The following ASAH1 variants were observed in gnomAD, a reference collection of about 807,000 sequenced individuals.
The protein encoded by ASAH1 is N-acylsphingosine amidohydrolase 1.
Under a neutral mutation model 59.5 loss-of-function variants are expected in ASAH1, and 70 were observed. That is an observed-to-expected ratio of 1.18 (90% CI 0.97 to 1.43). ASAH1 has a LOEUF of 1.43. Among genes scored for constraint, ASAH1 ranks in the 40% most tolerant of loss-of-function variants. The pLI is 0.00. For synonymous variants in ASAH1, 213 were observed against 166.5 expected (o/e 1.28, Z -2.15); for missense variants, 660 against 482.5 (o/e 1.37, Z -3.45).
At chr8:18,068,043 T>C (rs1413307605) in intron 4 of ASAH1, 5 of 152,192 alleles carry the variant, frequency 3.3e-5, no homozygotes, top group Admixed American at 3.3e-4. Context: ...CCAAGTGGAA[T>C]GTTCCAGCCA....
rs766314172 is a variant in ASAH1 at position 18,062,328 on chromosome 8, T to C, written c.599A>G (p.Lys200Arg). ...CACATAGCCAGCAAAGCTTGAAGCCTTGAAGACAGTTTTGTTGTTTCTTTG... is the reference window on the plus strand; with the variant it reads ...CACATAGCCAGCAAAGCTTGAAGCCCTGAAGACAGTTTTGTTGTTTCTTTG... ...DFQRNNKTVF[K>R]ASSFAGYVGM... is the part of the protein sequence containing the mutation. The change falls in exon 8 of 14, where the codon AAG becomes AGG. Residue 200 changes from lysine to arginine, a missense_variant. Transcript: ENST00000637790. 1 of 1,614,252 alleles carries C rather than the reference T, an allele frequency of 6.2e-7. No homozygotes were observed.
intron 1 of ASAH1, among the ~76,000 whole-genome samples, chr8:18,077,607 T>C (rs1277949498): frequency 6.6e-6 from 1 of 152,242 alleles, no homozygotes; most frequent in African/African-American, 2.4e-5. Context: ...TGCTTTGTTC[T>C]TTAATTGATA....
intron 1 of ASAH1, among the ~76,000 whole-genome samples, chr8:18,077,055 A>T (rs1800431626): frequency 6.6e-6 from 1 of 152,204 alleles, no homozygotes; most frequent in African/African-American, 2.4e-5. Flanking sequence ...GAAAAACTTC[A>T]GTCTCAACTG....
At chr8:18,082,863 A>G (rs1800713696) in intron 1 of ASAH1, among the ~76,000 whole-genome samples, 1 of 151,842 alleles carries the variant, frequency 6.6e-6, no homozygotes, top group Admixed American at 6.6e-5. Context: ...CATAAAACCA[A>G]CTACCGTCAA....
chr8:18,057,413 G>T lies in ASAH1; in HGVS notation c.*121C>A. 1.5e-6 allele frequency: 1 copy of T among 673,006 alleles called. No individual in the cohort carries two copies. Among genetic ancestry groups the T allele is most frequent in the Non-Finnish European group, 2.7e-6 (1 of 376,516 alleles). The allele number at this position is 673,006 out of a possible 1,614,324, so 41.7% of individuals were successfully genotyped here. The stretch of plus-strand genomic sequence containing the variant: ...AACAGATGGACGAAGACAAGCTATT[G>T]ACTCAAAGAGAACCTGCCGCGAGTC... On this transcript the variant is annotated 3_prime_UTR_variant, in exon 14 of 14. Coordinates refer to ENST00000637790, the MANE Select transcript of ASAH1 (RefSeq NM_177924.5).
intron 3 of ASAH1, 34 bp from the exon 4 acceptor site, chr8:18,069,912 T>A (rs752021706): frequency 7.0e-7 from 1 of 1,434,584 alleles, no homozygotes; most frequent in Admixed American, 1.7e-5. Context: ...CTAAAAGACA[T>A]AATGAAATGC....
rs1316716284 is a variant in ASAH1, at chr8:18,069,889, A to C, written c.217-11T>G. The C allele has an allele frequency of 6.5e-7, 1 of 1,539,220 alleles. No individual in the cohort carries two copies. The highest frequency in any genetic ancestry group is 1.1e-5 in the South Asian group (1 of 89,536). On this transcript the variant is annotated splice_polypyrimidine_tract_variant and intron_variant, in intron 3 of 13. Transcript: ENST00000637790. ...CACTATAACCTTTAGCTGAAAAATAAATAAAATGCTTACTAAAAGACATAA... is the reference window on the plus strand; with the variant it reads ...CACTATAACCTTTAGCTGAAAAATACATAAAATGCTTACTAAAAGACATAA...
At chr8:18,058,450 A>C (rs1017316337) in intron 13 of ASAH1, 41 of 193,598 alleles carry the variant, frequency 2.1e-4, no homozygotes, top group African/African-American at 8.0e-4. Flanking sequence ...AGATGTAGTA[A>C]AGTTTAAGGG....
intron 5 of ASAH1, chr8:18,065,365 C>T (rs1469117794): frequency 6.6e-6 from 1 of 152,028 alleles, no homozygotes; most frequent in East Asian, 1.9e-4. Flanking sequence ...AGTATGCTAT[C>T]TTTTAAATGA....
intron 8 of ASAH1, chr8:18,062,020 A>C (rs1391115786): frequency 1.6e-6 from 1 of 618,628 alleles, no homozygotes; most frequent in Non-Finnish European, 2.8e-6. Flanking sequence ...AAGACCCAGG[A>C]CTAGAAATCA....
chr8:18,069,819 T>C lies in ASAH1; in HGVS notation c.276A>G (p.Lys92=). 6.3e-7 allele frequency: 1 copy of C among 1,588,808 alleles called. No individual in the cohort carries two copies. Among genetic ancestry groups the C allele is most frequent in the Non-Finnish European group, 8.6e-7 (1 of 1,158,394 alleles). The change falls in exon 4 of 14, where the codon AAA becomes AAG. Residue 92 remains lysine, a synonymous_variant. Coordinates refer to ENST00000637790, the MANE Select transcript of ASAH1 (RefSeq NM_177924.5). ...ATTTTTCATCCACCACCTGCATAATTTTTCCACTTGGCACGAATGTATTTA... is the reference window on the plus strand; with the variant it reads ...ATTTTTCATCCACCACCTGCATAATCTTTCCACTTGGCACGAATGTATTTA... ...NMINTFVPSG[K]IMQVVDEKLP...
chr8:18,061,704 T>A lies in ASAH1; in HGVS notation c.685A>T (p.Ile229Leu). 6.3e-7 allele frequency: 1 copy of A among 1,585,344 alleles called. No homozygotes were observed. Reference sequence around the variant, plus strand: ...TACTTACCCAGATAACCACCATTTATACTGAAACGTTCATTCAGTGTAAGA... The same window carrying A: ...TACTTACCCAGATAACCACCATTTAAACTGAAACGTTCATTCAGTGTAAGA... Reference protein sequence around the residue: ...FSLTLNERFSINGGYLGILEW... With the variant: ...FSLTLNERFSLNGGYLGILEW... Residue 229 changes from isoleucine (I) to leucine (L), a missense_variant, in exon 9 of 14, where the codon ATA (isoleucine) becomes TTA (leucine). Physicochemically the swap from Ile to Leu is conservative, Grantham distance 5 (BLOSUM62 2). Coordinates refer to ENST00000637790, the MANE Select transcript of ASAH1 (RefSeq NM_177924.5).
chr8:18,071,467 A>G, intron 2 of ASAH1, 77 bp from the exon 3 acceptor site: 1 of 977,054 alleles, frequency 1.0e-6, no homozygotes, highest in Non-Finnish European at 1.6e-6. Flanking sequence ...CTATAAGAAT[A>G]TATGAGAGGC....
At chr8:18,080,821 G>A (rs1589007172) in intron 1 of ASAH1, among the ~76,000 whole-genome samples, 1 of 152,182 alleles carries the variant, frequency 6.6e-6, no homozygotes, top group African/African-American at 2.4e-5. Flanking sequence ...GCCTCCCAAA[G>A]TGCTGGGATT....
At chr8:18,064,429 T>TGG in intron 6 of ASAH1, 28 bp downstream of exon 6, 53 of 1,496,538 alleles carry the variant, frequency 3.5e-5, no homozygotes, top group Middle Eastern at 1.7e-4. Flanking sequence ...TGCTTCATGC[T>TGG]GCCCACCCTC....
chr8:18,062,688 C>CTTAT, intron 7 of ASAH1: 1 of 473,790 alleles, frequency 2.1e-6, no homozygotes, highest in South Asian at 2.1e-5. Flanking sequence ...TTACAATATT[C>CTTAT]TTATTTTTTC....
Position 18,083,699 on chromosome 8 carries a change from C to T in ASAH1, c.78+282G>A, listed in dbSNP as rs535779291. 1.2e-4 allele frequency among the ~76,000 whole-genome samples: 19 copies of T among 152,360 alleles called. 1 individual carries two copies. The South Asian group carries it at 3.7e-3, about 30-fold the overall frequency. ...GGGCCTGGAACTGGTTATTCAAGTA[C>T]ACTCACTCAAATCTAAGAATGTGCG... On this transcript the variant is annotated intron_variant, in intron 1 of 13. Transcript: ENST00000637790.
intron 2 of ASAH1, chr8:18,073,133 T>C (rs1800244248): frequency 1.0e-6 from 1 of 978,528 alleles, no homozygotes; most frequent in East Asian, 2.7e-5. Flanking sequence ...TAAACCAAAT[T>C]ATTTTAATGA....
rs748511962 is a variant in ASAH1, at chr8:18,057,484, G to C, written c.*50C>G. 7.0e-7 allele frequency: 1 copy of C among 1,423,232 alleles called. No individual in the cohort carries two copies. The highest frequency in any genetic ancestry group is 2.5e-5 in the East Asian group (1 of 40,672). 88.2% of individuals were successfully genotyped at this position (1,423,232 alleles called of 1,614,324 possible). A position where few individuals can be genotyped will look rare whatever the true frequency, so the allele number is the denominator to read the frequency against. The stretch of plus-strand genomic sequence containing the variant: ...CAGCTGCAGTGTTCGGTCACATGGA[G>C]ATGGTGTCTTCATGTCTCAGAGGCC... On this transcript the variant is annotated 3_prime_UTR_variant, in exon 14 of 14. Coordinates refer to ENST00000637790, the MANE Select transcript of ASAH1 (RefSeq NM_177924.5).
Sources: gnomAD v4.1 joint callset for allele counts (sites outside exome capture counted in the v4.1 genomes callset) on GRCh38, gnomAD v4.1.1 for gene constraint, MANE v1.5 for transcripts, NCBI Gene and HGNC (gene_info 2026-07-23, HGNC 2026-07-21) for gene names.